The following PREX1 variants were observed in gnomAD, a reference collection of about 807,000 sequenced individuals.
PREX1 encodes phosphatidylinositol 3,4,5-trisphosphate-dependent Rac exchanger 1 protein.
PREX1 carries 41 observed loss-of-function variants against 198.3 expected under a neutral mutation model. The ratio of observed to expected loss-of-function variants is 0.21; its 90% CI spans 0.16 to 0.27. The LOEUF is 0.27. PREX1 is among the 10% of genes least tolerant of loss of function. PREX1 has a pLI of 1.00. For synonymous variants in PREX1, 843 were observed against 887.2 expected, an observed-to-expected ratio of 0.95 and a Z score of 0.89; for missense variants, 1,620 against 2,200.7, an observed-to-expected ratio of 0.74 and a Z score of 5.28.
chr20:48,627,879 C>T lies in PREX1; in HGVS notation c.4851G>A (p.Thr1617=), dbSNP rs79164465. The stretch of plus-strand genomic sequence containing the variant: ...GCCTCACCTGCTTCCGCATGATGTC[C>T]GTGGCCTGCATGATGCACTTGGGCA... The part of the protein sequence containing the change: ...GLLPKCIMQA[T]DIMRKQGPRV... The change falls in exon 38 of 40, where the codon ACG becomes ACA. Residue 1617 remains threonine (T), a synonymous_variant. Coordinates refer to ENST00000371941, the MANE Select transcript of PREX1 (RefSeq NM_020820.4). The T allele has an allele frequency of 2.1e-3, 3,375 of 1,612,976 alleles. 37 individuals are homozygous for T. The highest frequency in any genetic ancestry group is 0.019 in the East Asian group (850 of 44,868).
chr20:48,811,901 C>T (rs993866440), intron 1 of PREX1, among the ~76,000 whole-genome samples: 13 of 152,234 alleles, frequency 8.5e-5, no homozygotes, highest in African/African-American at 2.9e-4. Context: ...CAGACTATCA[C>T]GGAATAGGAG....
chr20:48,847,951 A>T, the PREX1 span, among the ~76,000 whole-genome samples: 2 of 152,068 alleles, frequency 1.3e-5, no homozygotes, highest in Non-Finnish European at 2.9e-5. Flanking sequence ...GTTCTTTTTC[A>T]TTGTTGAGTA....
intron 1 of PREX1, among the ~76,000 whole-genome samples, chr20:48,777,597 C>A (rs2090268389): frequency 6.6e-6 from 1 of 152,168 alleles, no homozygotes; most frequent in African/African-American, 2.4e-5. Context: ...GGTTAACAGT[C>A]TCAAGGTAGC....
At position 48,655,383 on chromosome 20, in the gene PREX1, A is replaced by G; in HGVS notation, c.2124-8T>C. The G allele has an allele frequency of 1.3e-6, 2 of 1,531,804 alleles. No individual in the cohort carries two copies. The highest frequency in any genetic ancestry group is 1.8e-6 in the Non-Finnish European group (2 of 1,130,668). The allele number at this position is 1,531,804 out of a possible 1,614,324, so 94.9% of individuals were successfully genotyped here. On this transcript the variant is annotated splice_polypyrimidine_tract_variant and splice_region_variant and intron_variant, in intron 18 of 39. Transcript: ENST00000371941. ...TCGGGGATTTTGATGATCCTGCACC[A>G]GGTAGAAGAGGCAGGGAAAAAGGCC...
At chr20:48,744,648 C>T (rs566479520) in intron 3 of PREX1, among the ~76,000 whole-genome samples, 4 of 152,308 alleles carry the variant, frequency 2.6e-5, no homozygotes, top group Admixed American at 6.5e-5. Context: ...GTGCCTGAGC[C>T]GGGACTCAAA....
chr20:48,811,930 G>A (rs960702010), intron 1 of PREX1, among the ~76,000 whole-genome samples: 3 of 152,212 alleles, frequency 2.0e-5, no homozygotes, highest in Admixed American at 1.3e-4. Context: ...CCTGGGTTTC[G>A]GTTCCATCTC....
At chr20:48,860,201 T>C in the PREX1 span, among the ~76,000 whole-genome samples, 1 of 152,116 alleles carries the variant, frequency 6.6e-6, no homozygotes, top group African/African-American at 2.4e-5. Flanking sequence ...ACCTTAAAAA[T>C]GAAGGACATT....
chr20:48,665,122 C>CG (rs1568812497), intron 15 of PREX1, among the ~76,000 whole-genome samples: 16 of 137,102 alleles, frequency 1.2e-4, no homozygotes, highest in African/African-American at 2.2e-4. Flanking sequence ...ATTCTAATCC[C>CG]ACCCCAGACG....
intron 19 of PREX1, among the ~76,000 whole-genome samples, chr20:48,654,222 G>A (rs1006693037): frequency 4.6e-5 from 7 of 152,240 alleles, no homozygotes; most frequent in South Asian, 2.1e-4. Context: ...TGAGGGTCGC[G>A]GGGAGATCCG....
At chr20:48,685,154 T>C (rs938245321) in intron 10 of PREX1, among the ~76,000 whole-genome samples, 6 of 152,218 alleles carry the variant, frequency 3.9e-5, no homozygotes, top group Admixed American at 6.5e-5. Context: ...GGGCAGGGAC[T>C]TCATCTGTCC....
chr20:48,774,888 T>C (rs976621873), intron 1 of PREX1, among the ~76,000 whole-genome samples: 9 of 152,250 alleles, frequency 5.9e-5, no homozygotes, highest in African/African-American at 2.2e-4. Context: ...CAGCCTGCCA[T>C]GGGGCAAGGT....
Position 48,632,290 on chromosome 20 carries a change from A to G in PREX1, c.4513T>C (p.Tyr1505His). ...AQSLEKVQQY[Y>H]RKLRAFYLER... Reference sequence around the variant, plus strand: ...CCAGGCGGATACCTGAGTTTGCGGTAATACTGCTGAACTTTCTCCAGGGAC... The same window carrying G: ...CCAGGCGGATACCTGAGTTTGCGGTGATACTGCTGAACTTTCTCCAGGGAC... Residue 1505 changes from tyrosine (Y) to histidine (H), a missense_variant, in exon 35 of 40, where the codon TAC becomes CAC. This residue lies in a region of PREX1 where 476 missense variants were observed against 603.4 expected (regional missense o/e 0.79). Transcript: ENST00000371941. 1 of 1,614,100 alleles carries G rather than the reference A, an allele frequency of 6.2e-7. No individual in the cohort carries two copies. Among genetic ancestry groups the G allele is most frequent in the Non-Finnish European group, 8.5e-7 (1 of 1,180,014 alleles).
chr20:48,645,143 C>A (rs906661961), intron 26 of PREX1, among the ~76,000 whole-genome samples: 2 of 152,196 alleles, frequency 1.3e-5, no homozygotes, highest in African/African-American at 4.8e-5. Context: ...GATCCCTTGA[C>A]GACTGGAAGA....
At chr20:48,779,545 C>CTA (rs2090278982) in intron 1 of PREX1, among the ~76,000 whole-genome samples, 1 of 152,162 alleles carries the variant, frequency 6.6e-6, no homozygotes, top group African/African-American at 2.4e-5. Flanking sequence ...ACACAAAAAG[C>CTA]TATACATAAA....
Position 48,815,646 on chromosome 20 carries a change from G to A in PREX1, c.219+11996C>T, listed in dbSNP as rs571991864. 9.8e-5 allele frequency among the ~76,000 whole-genome samples: 15 copies of A among 152,294 alleles called. No individual in the cohort carries two copies. The East Asian group carries it at 2.9e-3, about 29-fold the overall frequency. On this transcript the variant is annotated intron_variant, in intron 1 of 39. Coordinates refer to ENST00000371941, the MANE Select transcript of PREX1 (RefSeq NM_020820.4). ...AAGCCTACACTCCTAGGTAACGGGG[G>A]TACCAGGATGGGGTAGATGCTCTGG...
intron 5 of PREX1, among the ~76,000 whole-genome samples, chr20:48,714,918 C>T (rs2089954866): frequency 6.6e-6 from 1 of 152,154 alleles, no homozygotes; most frequent in Non-Finnish European, 1.5e-5. Context: ...CTCAGACAGG[C>T]ATAAAATGTG....
chr20:48,770,969 T>C (rs2090232725), intron 1 of PREX1, among the ~76,000 whole-genome samples: 1 of 152,152 alleles, frequency 6.6e-6, no homozygotes, highest in East Asian at 1.9e-4. Context: ...GCACCTGCGA[T>C]GGGGCACCAG....
rs2089551871 is a variant in PREX1 at position 48,657,179 on chromosome 20, G to A, written c.1984C>T (p.Leu662=). Residue 662 remains leucine, a synonymous_variant, in exon 18 of 40, where the codon CTG becomes TTG. Coordinates refer to ENST00000371941, the MANE Select transcript of PREX1 (RefSeq NM_020820.4). ...QRGSLAEVAG[L]QVGRKIYSIN... Reference sequence around the variant, plus strand: ...GAGTAGATCTTCCTCCCCACCTGCAGGCCAGCCACCTGGGTAGGGACGGCA... The same window carrying A: ...GAGTAGATCTTCCTCCCCACCTGCAAGCCAGCCACCTGGGTAGGGACGGCA... 8 of 1,613,806 alleles carry A rather than the reference G, an allele frequency of 5.0e-6. No homozygotes were observed. The highest frequency in any genetic ancestry group is 6.8e-6 in the Non-Finnish European group (8 of 1,179,908).
intron 1 of PREX1, among the ~76,000 whole-genome samples, chr20:48,805,701 GCCC>G (rs1283799565): frequency 6.6e-6 from 1 of 151,974 alleles, no homozygotes; most frequent in Non-Finnish European, 1.5e-5. Context: ...ACCCCTCTGT[GCCC>G]CCCAACAGCC....
Sources: allele counts gnomAD v4.1 joint callset (sites outside exome capture counted in the v4.1 genomes callset), GRCh38; gene constraint gnomAD v4.1.1; regional missense constraint gnomAD v4.1.1; transcripts MANE v1.5; gene names NCBI Gene and HGNC (gene_info 2026-07-23, HGNC 2026-07-21).